The following HS6ST1 variants were observed in gnomAD, a reference collection of about 807,000 sequenced individuals.
HS6ST1 encodes heparan sulfate 6-O-sulfotransferase 1.
Under a neutral mutation model 25.2 loss-of-function variants are expected in HS6ST1, and 3 were observed. The observed-to-expected ratio is 0.12, with a 90% CI of 0.05 to 0.31. The LOEUF is 0.31. Ranked by LOEUF, HS6ST1 falls within the 10% of genes least tolerant of loss-of-function variation. The pLI, the probability that HS6ST1 is intolerant of heterozygous loss-of-function variation, is 1.00. For synonymous variants in HS6ST1, 204 were observed against 275.1 expected (o/e 0.74, Z 2.56); for missense variants, 310 against 609.6 (o/e 0.51, Z 5.18).
intron 1 of HS6ST1, among the ~76,000 whole-genome samples, chr2:128,309,513 C>T (rs1384203541): frequency 6.6e-6 from 1 of 152,228 alleles, no homozygotes; most frequent in Non-Finnish European, 1.5e-5. Context: ...AGATAACAGG[C>T]CCCTGCCCCT....
Position 128,313,840 on chromosome 2 carries a change from A to G in HS6ST1, c.527+4197T>C, listed in dbSNP as rs1558882632. Among the ~76,000 whole-genome samples, 4 of 151,962 alleles carry G rather than the reference A, an allele frequency of 2.6e-5. No individual in the cohort carries two copies. The South Asian group carries it at 8.3e-4, about 32-fold the overall frequency. The stretch of plus-strand genomic sequence containing the variant: ...GACAGGAAGCTGTGGCTTGAAGACC[A>G]CCAGAGCAGCATGGCAGAAATGATC... On this transcript the variant is annotated intron_variant, in intron 1 of 1. Coordinates refer to ENST00000259241, the MANE Select transcript of HS6ST1 (RefSeq NM_004807.3).
At chr2:128,302,430 T>A (rs145876280) in intron 1 of HS6ST1, among the ~76,000 whole-genome samples, 1 of 152,222 alleles carries the variant, frequency 6.6e-6, no homozygotes, top group African/African-American at 2.4e-5. Flanking sequence ...CTGAAGACAC[T>A]CCCATCTGAT....
At chr2:128,278,989 A>C (rs1290860614) in intron 1 of HS6ST1, among the ~76,000 whole-genome samples, 1 of 152,252 alleles carries the variant, frequency 6.6e-6, no homozygotes, top group Non-Finnish European at 1.5e-5. Context: ...ATATGACCCA[A>C]GAAGAAATGA....
In HS6ST1 at chr2:128,318,433, G is replaced by A. The variant is rs1694408332; in HGVS notation, c.131C>T (p.Ala44Val). The change falls in exon 1 of 2, where the codon GCG becomes GTG. Residue 44 changes from alanine (A) to valine (V), a missense_variant. Around this residue, in one of 5 missense-constraint regions of HS6ST1, gnomAD observed 63 missense variants for 105.4 expected, o/e 0.60. Transcript: ENST00000259241. This position sits in a 1 kb window ranked among gnomAD's most constrained non-coding sequence, Gnocchi z 5.7. ...QYAGPGLSLG[A>V]PGGRAPPDDL... ...GTCGGGCGGCGCGCGGCCGCCGGGC[G>A]CGCCCAGGCTCAGTCCTGGGCCCGC... 3.1e-6 allele frequency: 5 copies of A among 1,593,516 alleles called. No homozygotes were observed. The South Asian group carries it at 4.4e-5, about 14-fold the overall frequency.
chr2:128,318,570 C>G lies in HS6ST1; in HGVS notation c.-7G>C, dbSNP rs1694412027. The stretch of plus-strand genomic sequence containing the variant: ...CGGCGCGCCGCCGCCGCATGTGTCA[C>G]CATCGCCGGGGCCCGGGCGCGGGGC... On this transcript the variant is annotated 5_prime_UTR_variant, in exon 1 of 2. Transcript: ENST00000259241. This position sits in a 1 kb window ranked among gnomAD's most constrained non-coding sequence, Gnocchi z 5.7. 2.8e-6 allele frequency: 4 copies of G among 1,435,802 alleles called. No individual in the cohort carries two copies. The South Asian group carries it at 4.2e-5, about 15-fold the overall frequency. 88.9% of individuals were successfully genotyped at this position (1,435,802 alleles called of 1,614,324 possible). A position where few individuals can be genotyped will look rare whatever the true frequency, so the allele number is the denominator to read the frequency against.
At chr2:128,314,369 A>C (rs565121635) in intron 1 of HS6ST1, among the ~76,000 whole-genome samples, 1 of 152,284 alleles carries the variant, frequency 6.6e-6, no homozygotes, top group East Asian at 1.9e-4. Context: ...CCAGGAAAAA[A>C]AAATTCCCAT....
In HS6ST1 at chr2:128,268,201, G is replaced by A; in HGVS notation, c.1197C>T (p.Pro399=). 2 of 1,610,310 alleles carry A rather than the reference G, an allele frequency of 1.2e-6. No individual in the cohort carries two copies. Among genetic ancestry groups the A allele is most frequent in the Non-Finnish European group, 8.5e-7 (1 of 1,179,224 alleles). ...REDADEPGRV[P]TEDYMSHIIE... ...TGATGTGGCTCATGTAGTCCTCGGT[G>A]GGCACGCGGCCCGGCTCGTCGGCAT... Residue 399 remains proline (P), a synonymous_variant, in exon 2 of 2, where the codon CCC becomes CCT. Coordinates refer to ENST00000259241, the MANE Select transcript of HS6ST1 (RefSeq NM_004807.3).
rs77449434 is a variant in HS6ST1, at chr2:128,293,072, C to T, written c.528-24202G>A. On this transcript the variant is annotated intron_variant, in intron 1 of 1. Transcript: ENST00000259241. ...GGTTCCACCCATGGGCCTGGTGGAGCTGGTCCCTGCTCTGCTCCGCCACAC... is the reference window on the plus strand; with the variant it reads ...GGTTCCACCCATGGGCCTGGTGGAGTTGGTCCCTGCTCTGCTCCGCCACAC... Among the ~76,000 whole-genome samples, 847 of 152,300 alleles carry T rather than the reference C, an allele frequency of 5.6e-3. 8 individuals carry two copies. The highest frequency in any genetic ancestry group is 0.019 in the African/African-American group (798 of 41,568).
In HS6ST1 at chr2:128,272,238, G is replaced by A. The variant is rs975405360; in HGVS notation, c.528-3368C>T. Among the ~76,000 whole-genome samples the A allele has an allele frequency of 1.6e-4, 25 of 152,216 alleles. 1 individual carries two copies. The highest frequency in any genetic ancestry group is 1.3e-3 in the Admixed American group (20 of 15,284). Reference sequence around the variant, plus strand: ...CCCCTCCCCTCCCCAGCACCGTCACGGTCTGCAGGTAGGAGGACACGGGTA... The same window carrying A: ...CCCCTCCCCTCCCCAGCACCGTCACAGTCTGCAGGTAGGAGGACACGGGTA... On this transcript the variant is annotated intron_variant, in intron 1 of 1. Transcript: ENST00000259241.
intron 1 of HS6ST1, chr2:128,290,300 C>T (rs911156230): frequency 6.6e-6 from 1 of 152,098 alleles, no homozygotes; most frequent in Non-Finnish European, 1.5e-5. Flanking sequence ...TGTAAGCAAA[C>T]CCTCCTAGAC....
rs541101606 is a variant in HS6ST1, at chr2:128,284,017, C to T, written c.528-15147G>A. ...ACCTGCCGAGGGACACAGGCCTGGACGGAGCTGGAGCAGGGGGGCTGAGTC... is the reference window on the plus strand; with the variant it reads ...ACCTGCCGAGGGACACAGGCCTGGATGGAGCTGGAGCAGGGGGGCTGAGTC... On this transcript the variant is annotated intron_variant, in intron 1 of 1. Transcript: ENST00000259241. 1.3e-4 allele frequency among the ~76,000 whole-genome samples: 20 copies of T among 152,286 alleles called. No individual in the cohort carries two copies. The South Asian group carries it at 1.9e-3, about 14-fold the overall frequency.
At chr2:128,308,329 G>C (rs964747374) in intron 1 of HS6ST1, among the ~76,000 whole-genome samples, 1 of 152,214 alleles carries the variant, frequency 6.6e-6, no homozygotes, top group Non-Finnish European at 1.5e-5. Context: ...TACCATGTAG[G>C]GGGTGATAGC....
chr2:128,278,584 A>C (rs1693731577), intron 1 of HS6ST1, among the ~76,000 whole-genome samples: 1 of 152,202 alleles, frequency 6.6e-6, no homozygotes, highest in African/African-American at 2.4e-5. Flanking sequence ...GACGGCAGGC[A>C]CACAGTGGAT....
intron 1 of HS6ST1, among the ~76,000 whole-genome samples, chr2:128,287,467 C>A (rs139682286): frequency 6.6e-6 from 1 of 152,174 alleles, no homozygotes; most frequent in African/African-American, 2.4e-5. Flanking sequence ...GGCAGAGAGC[C>A]GGGATGTGAG....
At position 128,266,062 on chromosome 2, in the gene HS6ST1, T is replaced by A. The variant is rs1474344086; in HGVS notation, c.*2100A>T. 11 of 151,466 alleles carry A rather than the reference T, an allele frequency of 7.3e-5. No homozygotes were observed. The highest frequency in any genetic ancestry group is 1.5e-4 in the Non-Finnish European group (10 of 67,878). 9.4% of individuals were successfully genotyped at this position (151,466 alleles called of 1,614,324 possible). On this transcript the variant is annotated 3_prime_UTR_variant, in exon 2 of 2. Coordinates refer to ENST00000259241, the MANE Select transcript of HS6ST1 (RefSeq NM_004807.3). ...ACCCGTGCTTCCGTGTGAGTTGGGA[T>A]GCGGGGCATAAGTTAACACATATTC...
intron 1 of HS6ST1, among the ~76,000 whole-genome samples, chr2:128,312,102 C>G (rs1489138418): frequency 6.6e-6 from 1 of 152,254 alleles, no homozygotes; most frequent in East Asian, 1.9e-4. Context: ...CTGCCCATGT[C>G]TGCCCAGGTC....
intron 1 of HS6ST1, among the ~76,000 whole-genome samples, chr2:128,299,838 G>C (rs755679788): frequency 6.6e-6 from 1 of 152,212 alleles, no homozygotes; most frequent in Admixed American, 6.5e-5. Flanking sequence ...GAGGCTGGGG[G>C]TGCTGGCGAG....
At chr2:128,285,524 T>C (rs1030424104) in intron 1 of HS6ST1, among the ~76,000 whole-genome samples, 4 of 152,186 alleles carry the variant, frequency 2.6e-5, no homozygotes, top group Non-Finnish European at 5.9e-5. Context: ...ACGGCCCAGC[T>C]CTGCTACCCT....
intron 1 of HS6ST1, among the ~76,000 whole-genome samples, chr2:128,303,802 TG>T (rs1419384839): frequency 6.6e-6 from 1 of 152,232 alleles, no homozygotes; most frequent in Non-Finnish European, 1.5e-5. Context: ...TCAACTTCAC[TG>T]GGTTAAAAGA....
Sources: allele counts gnomAD v4.1 joint callset (sites outside exome capture counted in the v4.1 genomes callset), GRCh38; gene constraint gnomAD v4.1.1; regional missense constraint gnomAD v4.1.1; non-coding constraint Gnocchi (gnomAD v3.1); transcripts MANE v1.5; gene names NCBI Gene and HGNC (gene_info 2026-07-23, HGNC 2026-07-21).